FMN1: variants seen among roughly 807,000 people sequenced by gnomAD.
FMN1 encodes formin-1.
FMN1 carries 110 observed loss-of-function variants against 132.4 expected under a neutral mutation model. That is an observed-to-expected ratio of 0.83 (90% CI 0.71 to 0.97). The LOEUF (loss-of-function observed/expected upper bound fraction) is 0.97, where lower values mean the gene tolerates loss of function less well. FMN1 is among the 50% of genes least tolerant of loss of function. FMN1 has a pLI of 0.00. For synonymous variants in FMN1, 722 were observed against 651.7 expected (o/e 1.11, Z -1.64); for missense variants, 1,792 against 1,705.3 (o/e 1.05, Z -0.90).
intron 6 of FMN1, among the ~76,000 whole-genome samples, chr15:33,060,346 A>C (rs976422841): frequency 1.3e-5 from 2 of 152,216 alleles, no homozygotes; most frequent in Admixed American, 1.3e-4. Context: ...AGGTGTTTAT[A>C]ACTCTCTTTG....
intron 5 of FMN1, among the ~76,000 whole-genome samples, chr15:33,087,046 C>T (rs1173759368): frequency 1.3e-5 from 2 of 152,076 alleles, no homozygotes; most frequent in African/African-American, 4.8e-5. Context: ...AAGTTAATGG[C>T]TAAAAAAAGA....
rs2140870327 is a variant in FMN1, at chr15:32,776,918, A to G, written c.4132T>C (p.Leu1378=). 6.4e-7 allele frequency: 1 copy of G among 1,571,576 alleles called. No homozygotes were observed. Among genetic ancestry groups the G allele is most frequent in the Non-Finnish European group, 8.7e-7 (1 of 1,150,940 alleles). The change falls in exon 20 of 21, where the codon TTG becomes CTG. Residue 1378 remains leucine (L), a splice_region_variant and synonymous_variant. Transcript: ENST00000616417. ...CTGACTGATTCCTGAGCCATTTTCAATCTGAAATAGAAATAGGGAAAAGAC... is the reference window on the plus strand; with the variant it reads ...CTGACTGATTCCTGAGCCATTTTCAGTCTGAAATAGAAATAGGGAAAAGAC... ...RESKNISKER[L]KMAQESVSKL...
intron 9 of FMN1, among the ~76,000 whole-genome samples, chr15:32,948,693 T>G (rs927373559): frequency 9.9e-5 from 15 of 152,046 alleles, no homozygotes; most frequent in African/African-American, 3.4e-4. Flanking sequence ...TTCTATTGCA[T>G]CTGTAGTTAC....
intron 19 of FMN1, among the ~76,000 whole-genome samples, chr15:32,783,243 T>C (rs1173819575): frequency 6.6e-6 from 1 of 152,150 alleles, no homozygotes; most frequent in Admixed American, 6.5e-5. Context: ...AGAAAATATA[T>C]ATTCTCAATT....
At chr15:32,827,890 G>C (rs111923513) in intron 17 of FMN1, among the ~76,000 whole-genome samples, 4,701 of 151,532 alleles carry the variant, frequency 0.031, 118 homozygotes, top group African/African-American at 0.063. Context: ...CTCCTTTATA[G>C]CAGAGGTCCA....
rs1276449341 is a variant in FMN1, at chr15:32,901,912, T to G, written c.3506A>C (p.Lys1169Thr). The change falls in exon 13 of 21, where the codon AAG becomes ACG. Residue 1169 changes from lysine to threonine, a missense_variant and splice_region_variant. By Grantham distance (78) the Lys-to-Thr change is moderately conservative. Transcript: ENST00000616417. ...TTTTAAATTAGACAGTAAACATACCTTAGAAGCTCGCGTGATGATCTCTAC... is the reference window on the plus strand; with the variant it reads ...TTTTAAATTAGACAGTAAACATACCGTAGAAGCTCGCGTGATGATCTCTAC... ...RKVEIITRAS[K>T]DLLHVKSVKD... The G allele has an allele frequency of 1.6e-5, 26 of 1,605,286 alleles. No individual in the cohort carries two copies. Among genetic ancestry groups the G allele is most frequent in the Non-Finnish European group, 2.1e-5 (25 of 1,177,166 alleles).
At chr15:32,862,403 A>T (rs1263179002) in intron 16 of FMN1, among the ~76,000 whole-genome samples, 1 of 152,252 alleles carries the variant, frequency 6.6e-6, no homozygotes, top group Non-Finnish European at 1.5e-5. Context: ...GTTACTACTA[A>T]GTGATCACTG....
intron 9 of FMN1, among the ~76,000 whole-genome samples, chr15:32,947,849 T>G (rs2061543192): frequency 6.6e-6 from 1 of 152,088 alleles, no homozygotes; most frequent in African/African-American, 2.4e-5. Context: ...TTTACTCTAT[T>G]CTCTCATTTT....
At chr15:32,808,885 T>C (rs1329310130) in intron 17 of FMN1, among the ~76,000 whole-genome samples, 1 of 147,842 alleles carries the variant, frequency 6.8e-6, no homozygotes, top group Non-Finnish European at 1.5e-5. Flanking sequence ...TTATCATTTA[T>C]GCTCAAAACT....
At chr15:33,007,225 G>A (rs1417949726) in intron 7 of FMN1, among the ~76,000 whole-genome samples, 1 of 152,080 alleles carries the variant, frequency 6.6e-6, no homozygotes, top group Non-Finnish European at 1.5e-5. Flanking sequence ...GAAAAGAAAT[G>A]TCTGATCCAC....
chr15:33,082,053 G>GTGTGTGTGTGTGTGTGTGT (rs540217494), intron 5 of FMN1, among the ~76,000 whole-genome samples: 1 of 134,470 alleles, frequency 7.4e-6, no homozygotes, highest in Admixed American at 7.3e-5. Context: ...GTGTGTGTGT[G>GTGTGTGTGTGTGTGTGTGT]TAAGACGGAG....
intron 9 of FMN1, among the ~76,000 whole-genome samples, chr15:32,933,836 T>C (rs1029349425): frequency 6.6e-6 from 1 of 152,208 alleles, no homozygotes; most frequent in African/African-American, 2.4e-5. Context: ...ACTCTTGGAA[T>C]ATCTTTTTCC....
At chr15:33,004,121 G>C (rs1439073681) in intron 7 of FMN1, among the ~76,000 whole-genome samples, 1 of 152,096 alleles carries the variant, frequency 6.6e-6, no homozygotes, top group Non-Finnish European at 1.5e-5. Flanking sequence ...TACCATTCAG[G>C]ACATAGGCAT....
chr15:32,982,118 C>T (rs989765363), intron 7 of FMN1, among the ~76,000 whole-genome samples: 1 of 152,050 alleles, frequency 6.6e-6, no homozygotes, highest in Admixed American at 6.6e-5. Flanking sequence ...ATACGAATAG[C>T]AAATAAGCAC....
At chr15:32,917,588 G>A (rs952303713) in intron 10 of FMN1, among the ~76,000 whole-genome samples, 19 of 152,128 alleles carry the variant, frequency 1.2e-4, no homozygotes, top group African/African-American at 4.6e-4. Context: ...TGCGTTTGTT[G>A]TTTCTAGTTT....
chr15:32,847,669 G>A (rs746339733), intron 17 of FMN1, among the ~76,000 whole-genome samples: 7 of 152,114 alleles, frequency 4.6e-5, no homozygotes, highest in Non-Finnish European at 8.8e-5. Flanking sequence ...CCTGGCTAAC[G>A]CAGTGAAACC....
rs557194393 is a variant in FMN1, at chr15:32,802,996, T to C, written c.3980+1285A>G. Among the ~76,000 whole-genome samples, 13 of 152,312 alleles carry C rather than the reference T, an allele frequency of 8.5e-5. No individual in the cohort carries two copies. The South Asian group carries it at 2.7e-3, about 32-fold the overall frequency. ...GTGCAAGACTTGCCTTCACCTTGCT[T>C]TCACCAGCATTTTAATCTTATTGGT... On this transcript the variant is annotated intron_variant, in intron 18 of 20. Transcript: ENST00000616417.
At chr15:33,106,305 C>T (rs892096051) in intron 4 of FMN1, 1 of 151,746 alleles carries the variant, frequency 6.6e-6, no homozygotes. Flanking sequence ...CGCACGCACA[C>T]ACACACAGAC....
chr15:33,010,865 TAAGAA>T lies in FMN1; in HGVS notation c.2162-2795_2162-2791del, dbSNP rs373354836. Among the ~76,000 whole-genome samples, 752 of 151,320 alleles carry T rather than the reference TAAGAA, an allele frequency of 5.0e-3. 4 individuals are homozygous for T. The highest frequency in any genetic ancestry group is 0.014 in the Middle Eastern group (4 of 294). ...AACAGAAATATGTAAAGACCTCATATAAGAAAATAGTAACATTTTATTGACATATT... is the reference window on the plus strand; with the variant it reads ...AACAGAAATATGTAAAGACCTCATATAATAGTAACATTTTATTGACATATT... On this transcript the variant is annotated intron_variant, in intron 6 of 20. Transcript: ENST00000616417.
Sources: allele counts gnomAD v4.1 joint callset (sites outside exome capture counted in the v4.1 genomes callset), GRCh38; gene constraint gnomAD v4.1.1; transcripts MANE v1.5; gene names NCBI Gene and HGNC (gene_info 2026-07-23, HGNC 2026-07-21).